Variants in MAP3K20 observed in about 807,000 individuals in gnomAD.
The protein encoded by MAP3K20 is HCCS-4.
In MAP3K20, 40 loss-of-function variants were observed where a neutral mutation model predicts 85.7. That is an observed-to-expected ratio of 0.47 (90% CI 0.36 to 0.61). The LOEUF (loss-of-function observed/expected upper bound fraction) is 0.61. MAP3K20 is among the 20% of genes least tolerant of loss of function. MAP3K20 has a pLI of 0.00. For synonymous variants in MAP3K20, 325 were observed against 327.7 expected (o/e 0.99, Z 0.09); for missense variants, 817 against 961.7 (o/e 0.85, Z 1.99).
intron 2 of MAP3K20, among the ~76,000 whole-genome samples, chr2:173,166,113 C>T (rs2106245747): frequency 6.6e-6 from 1 of 152,328 alleles, no homozygotes; most frequent in Non-Finnish European, 1.5e-5. Flanking sequence ...CCCCTGGTTA[C>T]AACCTCTAAT....
At chr2:173,218,414 A>C (rs1243477627) in intron 11 of MAP3K20, among the ~76,000 whole-genome samples, 2 of 152,262 alleles carry the variant, frequency 1.3e-5, no homozygotes, top group Non-Finnish European at 2.9e-5. Context: ...TGCTATCCCT[A>C]ACACTATCAT....
chr2:173,167,910 C>T (rs6750987), intron 2 of MAP3K20, among the ~76,000 whole-genome samples: 1,946 of 152,236 alleles, frequency 0.013, 43 homozygotes, highest in African/African-American at 0.044. Flanking sequence ...AAGGATAACA[C>T]TGCCTCAGTT....
intron 11 of MAP3K20, among the ~76,000 whole-genome samples, chr2:173,220,633 A>G (rs1481333217): frequency 6.6e-6 from 1 of 152,228 alleles, no homozygotes; most frequent in African/African-American, 2.4e-5. Flanking sequence ...TAATCCAGAT[A>G]AAAAGGGAGT....
intron 16 of MAP3K20, among the ~76,000 whole-genome samples, chr2:173,256,908 T>C (rs1181904588): frequency 3.9e-5 from 6 of 152,136 alleles, no homozygotes; most frequent in Non-Finnish European, 7.4e-5. Context: ...TCCCAGCACT[T>C]TGGGAGGCTG....
At chr2:173,082,347 T>C (rs1430274022) in intron 1 of MAP3K20, among the ~76,000 whole-genome samples, 2 of 152,198 alleles carry the variant, frequency 1.3e-5, no homozygotes, top group Non-Finnish European at 2.9e-5. Flanking sequence ...TATAAGGTCT[T>C]AGTCTTCCCT....
rs1249091765 is a variant in MAP3K20, at chr2:173,255,984, G to T, written c.1360-2715G>T. 2.0e-5 allele frequency among the ~76,000 whole-genome samples: 3 copies of T among 152,232 alleles called. 1 individual carries two copies. The East Asian group carries it at 5.8e-4, about 29-fold the overall frequency. On this transcript the variant is annotated intron_variant, in intron 16 of 19. Coordinates refer to ENST00000375213, the MANE Select transcript of MAP3K20 (RefSeq NM_016653.3). Reference sequence around the variant, plus strand: ...ATACTGAGAGATTTGTCAATTCTGAGAAACTAATTTGACTTATGTTAGCCA... The same window carrying T: ...ATACTGAGAGATTTGTCAATTCTGATAAACTAATTTGACTTATGTTAGCCA...
chr2:173,265,310 A>G (rs187371215), intron 19 of MAP3K20, among the ~76,000 whole-genome samples: 6 of 152,344 alleles, frequency 3.9e-5, no homozygotes, highest in Non-Finnish European at 5.9e-5. Flanking sequence ...AACAGAAAAG[A>G]TCTCAGGTGT....
rs74323640 is a variant in MAP3K20 at position 173,258,975 on chromosome 2, T to A, written c.1476+160T>A. ...GCACATTTTATTTAGCAGACTGAGATCATAATAGGTTTTTGTTAAAATTCT... is the reference window on the plus strand; with the variant it reads ...GCACATTTTATTTAGCAGACTGAGAACATAATAGGTTTTTGTTAAAATTCT... On this transcript the variant is annotated intron_variant, in intron 17 of 19. Transcript: ENST00000375213. Among the ~76,000 whole-genome samples the A allele has an allele frequency of 1.5e-3, 222 of 152,338 alleles. 2 individuals carry two copies. The East Asian group carries it at 0.041, about 28-fold the overall frequency.
chr2:173,195,901 T>G (rs1288239203), intron 7 of MAP3K20, among the ~76,000 whole-genome samples: 1 of 152,166 alleles, frequency 6.6e-6, no homozygotes, highest in Non-Finnish European at 1.5e-5. Flanking sequence ...TTTCTTTATT[T>G]TTCACGGTTA....
chr2:173,150,869 A>T (rs1171739865), intron 2 of MAP3K20, among the ~76,000 whole-genome samples: 1 of 152,174 alleles, frequency 6.6e-6, no homozygotes, highest in Admixed American at 6.5e-5. Flanking sequence ...GCCAAAAAAA[A>T]TTGTTTTAAT....
chr2:173,181,753 G>A (rs1690333348), intron 3 of MAP3K20, among the ~76,000 whole-genome samples: 1 of 152,038 alleles, frequency 6.6e-6, no homozygotes, highest in South Asian at 2.1e-4. Context: ...AGTGAACTTT[G>A]AAAACATTAT....
At chr2:173,240,947 T>C (rs1198085724) in intron 16 of MAP3K20, among the ~76,000 whole-genome samples, 1 of 152,156 alleles carries the variant, frequency 6.6e-6, no homozygotes, top group African/African-American at 2.4e-5. Context: ...CAGAATGAAA[T>C]CTTGTCATTT....
At chr2:173,179,137 T>C (rs1574082592) in intron 3 of MAP3K20, among the ~76,000 whole-genome samples, 1 of 152,148 alleles carries the variant, frequency 6.6e-6, no homozygotes, top group Admixed American at 6.5e-5. Flanking sequence ...CTCACACCTG[T>C]AATCCCAGCA....
At chr2:173,176,122 T>A (rs1690145107) in intron 3 of MAP3K20, among the ~76,000 whole-genome samples, 1 of 152,168 alleles carries the variant, frequency 6.6e-6, no homozygotes, top group African/African-American at 2.4e-5. Context: ...AGAAAAATAA[T>A]GTTTATTGGT....
chr2:173,266,021 A>G (rs1685410338), intron 19 of MAP3K20, 29 bp from the exon 20 acceptor site: 2 of 1,540,366 alleles, frequency 1.3e-6, no homozygotes, highest in African/African-American at 1.4e-5. Flanking sequence ...GTGTGGCTTA[A>G]AAGATGCTCA....
chr2:173,258,048 C>T (rs1488482836), intron 16 of MAP3K20, among the ~76,000 whole-genome samples: 2 of 152,202 alleles, frequency 1.3e-5, no homozygotes, highest in African/African-American at 4.8e-5. Context: ...AAACTGGGCT[C>T]ATATTTCCAC....
chr2:173,167,960 T>C (rs1474907332), intron 2 of MAP3K20, among the ~76,000 whole-genome samples: 2 of 152,210 alleles, frequency 1.3e-5, no homozygotes, highest in African/African-American at 4.8e-5. Context: ...ATTGCTTTAC[T>C]CACATTGAAC....
intron 16 of MAP3K20, among the ~76,000 whole-genome samples, chr2:173,243,135 G>A (rs1684830848): frequency 6.6e-6 from 1 of 152,132 alleles, no homozygotes; most frequent in African/African-American, 2.4e-5. Flanking sequence ...AGAACCTACA[G>A]CTTATCATAA....
chr2:173,217,345 G>A (rs919851030), intron 11 of MAP3K20, 95 bp downstream of exon 11: 14 of 1,318,172 alleles, frequency 1.1e-5, no homozygotes, highest in East Asian at 2.9e-5. Context: ...GCCTCCCGCC[G>A]CCCCCTCCTC....
Sources: allele counts gnomAD v4.1 joint callset (sites outside exome capture counted in the v4.1 genomes callset), GRCh38; gene constraint gnomAD v4.1.1; transcripts MANE v1.5; gene names NCBI Gene and HGNC (gene_info 2026-07-23, HGNC 2026-07-21).